The following PTK2 variants were observed in gnomAD, a reference collection of about 807,000 sequenced individuals.
PTK2 encodes the protein focal adhesion kinase 1.
In PTK2, 45 loss-of-function variants were observed where a neutral mutation model predicts 150.1. The ratio of observed to expected loss-of-function variants is 0.30; its 90% CI spans 0.24 to 0.38. PTK2 has a LOEUF of 0.38. Ranked by LOEUF, PTK2 falls within the 10% of genes least tolerant of loss-of-function variation. The probability of loss-of-function intolerance (pLI) is 1.00; values close to 1 mark genes in which losing one functional copy is unlikely to be tolerated. For missense variants in PTK2, 919 were observed against 1,307.3 expected (o/e 0.70, Z 4.58); for synonymous variants, 432 against 449.2 (o/e 0.96, Z 0.48).
chr8:140,764,093 A>G (rs2100070885), intron 15 of PTK2, 141 bp downstream of exon 17: 8 of 785,848 alleles, frequency 1.0e-5, no homozygotes, highest in Admixed American at 1.8e-5. Context: ...ATAGAATGGT[A>G]AAGGTTGAAA....
At chr8:140,969,144 A>C (rs1390728325) in intron 1 of PTK2, among the ~76,000 whole-genome samples, 4 of 152,216 alleles carry the variant, frequency 2.6e-5, no homozygotes, top group Admixed American at 1.3e-4. Context: ...AGGGAGGAAT[A>C]GAATTCAAAC....
chr8:140,785,092 T>C (rs1747539085), intron 14 of PTK2, among the ~76,000 whole-genome samples: 1 of 152,104 alleles, frequency 6.6e-6, no homozygotes, highest in South Asian at 2.1e-4. Context: ...CTGCCCAACA[T>C]CTCCTAGGAA....
chr8:140,879,148 T>C lies in PTK2; in HGVS notation c.362+323A>G, dbSNP rs527919328. The C allele has an allele frequency of 8.0e-4, 142 of 178,368 alleles. 1 individual carries two copies. Among genetic ancestry groups the C allele is most frequent in the Non-Finnish European group, 1.1e-3 (95 of 85,692 alleles). The allele number at this position is 178,368 out of a possible 1,614,324, so 11.0% of individuals were successfully genotyped here. On this transcript the variant is annotated intron_variant, in intron 4 of 31. Transcript: ENST00000522684. Reference sequence around the variant, plus strand: ...GATGAAAACATTATATATATATACATACACACACACATATATATATGATTT... The same window carrying C: ...GATGAAAACATTATATATATATACACACACACACACATATATATATGATTT...
intron 1 of PTK2, among the ~76,000 whole-genome samples, chr8:140,936,107 G>A (rs1003413169): frequency 6.0e-4 from 91 of 152,236 alleles, no homozygotes; most frequent in Non-Finnish European, 5.0e-4. Context: ...CTACAAGTGA[G>A]CTATGATAGT....
intron 7 of PTK2, among the ~76,000 whole-genome samples, chr8:140,839,243 T>C (rs1378423410): frequency 6.6e-6 from 1 of 152,116 alleles, no homozygotes; most frequent in Admixed American, 6.5e-5. Flanking sequence ...GCTTGGGCAC[T>C]GAGGTTGGAC....
At chr8:140,958,702 T>C (rs558327590) in intron 1 of PTK2, among the ~76,000 whole-genome samples, 9 of 152,224 alleles carry the variant, frequency 5.9e-5, no homozygotes, top group Non-Finnish European at 8.8e-5. Context: ...AAATAAAATA[T>C]ACTAATAATG....
chr8:140,996,750 T>A (rs192253741), intron 1 of PTK2, among the ~76,000 whole-genome samples: 11 of 152,368 alleles, frequency 7.2e-5, no homozygotes, highest in Non-Finnish European at 1.5e-4. Context: ...AAAAGATTCC[T>A]ATCAAAATAT....
At chr8:140,866,430 G>A (rs778668373) in intron 4 of PTK2, among the ~76,000 whole-genome samples, 11 of 152,134 alleles carry the variant, frequency 7.2e-5, no homozygotes, top group Non-Finnish European at 1.2e-4. Context: ...GAATTGTGAC[G>A]AGCATTTTAC....
rs186284225 is a variant in PTK2 at position 140,948,078 on chromosome 8, G to A, written c.-121-22329C>T. Among the ~76,000 whole-genome samples, 20 of 152,144 alleles carry A rather than the reference G, an allele frequency of 1.3e-4. No individual in the cohort carries two copies. The East Asian group carries it at 3.9e-3, about 29-fold the overall frequency. On this transcript the variant is annotated intron_variant, in intron 1 of 31. Transcript: ENST00000522684. ...CCTACCAGGGGCTAAATCTAACTCC[G>A]AAAAGTAGCTAGTCCTGCTTCCCTA... is the stretch of plus-strand genomic sequence containing the variant.
intron 1 of PTK2, among the ~76,000 whole-genome samples, chr8:140,928,256 C>A (rs1049428690): frequency 6.6e-6 from 1 of 151,904 alleles, no homozygotes. Flanking sequence ...AATGTTAAAA[C>A]CAACCTAACA....
chr8:140,912,148 C>A (rs2100163422), intron 2 of PTK2, among the ~76,000 whole-genome samples: 1 of 151,914 alleles, frequency 6.6e-6, no homozygotes, highest in Admixed American at 6.6e-5. Flanking sequence ...GAGGCTGAGG[C>A]AGGAGGACTG....
intron 23 of PTK2, among the ~76,000 whole-genome samples, chr8:140,709,536 TCA>T (rs1476291463): frequency 6.6e-6 from 1 of 152,208 alleles, no homozygotes; most frequent in Non-Finnish European, 1.5e-5. Flanking sequence ...CTGTCAGTGT[TCA>T]CAGTTAGGGT....
chr8:140,857,863 T>C (rs67452394), intron 5 of PTK2, among the ~76,000 whole-genome samples: 26,244 of 152,034 alleles, frequency 0.17, 2,706 homozygotes, highest in East Asian at 0.48. Context: ...CCCTCAAGAT[T>C]TCCACATGTG....
At chr8:140,876,088 T>C (rs2100145308) in intron 4 of PTK2, among the ~76,000 whole-genome samples, 1 of 152,232 alleles carries the variant, frequency 6.6e-6, no homozygotes. Flanking sequence ...TTGTCTGATA[T>C]ACTTTGTTCC....
intron 14 of PTK2, among the ~76,000 whole-genome samples, chr8:140,780,449 A>G (rs1413215417): frequency 6.6e-6 from 1 of 152,132 alleles, no homozygotes; most frequent in Non-Finnish European, 1.5e-5. Flanking sequence ...TTAGGTTCTA[A>G]CAAGCAGCTG....
rs556637473 is a variant in PTK2, at chr8:141,000,679, C to T, written c.-122+446G>A. Among the ~76,000 whole-genome samples, 110 of 150,048 alleles carry T rather than the reference C, an allele frequency of 7.3e-4. 1 individual carries two copies. The highest frequency in any genetic ancestry group is 2.5e-3 in the African/African-American group (100 of 40,798). ...CCGGCCTTTTCGAAAGCCGCCCCCC[C>T]CTTCCTCCTCACGTCTCCCGGACTC... On this transcript the variant is annotated intron_variant, in intron 1 of 31. Transcript: ENST00000522684.
intron 2 of PTK2, among the ~76,000 whole-genome samples, chr8:140,892,829 A>G (rs1218491663): frequency 6.6e-6 from 1 of 152,164 alleles, no homozygotes; most frequent in African/African-American, 2.4e-5. Context: ...AATCCAGACA[A>G]TTAATTAAAA....
At chr8:140,840,095 G>A (rs1441016250) in intron 7 of PTK2, among the ~76,000 whole-genome samples, 1 of 152,232 alleles carries the variant, frequency 6.6e-6, no homozygotes, top group Non-Finnish European at 1.5e-5. Context: ...GTCTTCCTCT[G>A]TTGCCCAGGC....
At chr8:140,777,175 G>A (rs1033922189) in intron 14 of PTK2, among the ~76,000 whole-genome samples, 2 of 152,204 alleles carry the variant, frequency 1.3e-5, no homozygotes, top group African/African-American at 4.8e-5. Context: ...AGAAATACCG[G>A]AGACTGGGTA....
Sources: gnomAD v4.1 joint callset for allele counts (sites outside exome capture counted in the v4.1 genomes callset) on GRCh38, gnomAD v4.1.1 for gene constraint, MANE v1.5 for transcripts, NCBI Gene and HGNC (gene_info 2026-07-23, HGNC 2026-07-21) for gene names.